NALF1: variants seen among roughly 807,000 people sequenced by gnomAD.
NALF1 encodes the protein NALCN channel auxiliary factor 1.
A neutral mutation model predicts 48.4 loss-of-function variants in NALF1; 3 were observed. The observed-to-expected ratio is 0.06, with a 90% CI of 0.03 to 0.16. NALF1 has a LOEUF of 0.16. Among genes scored for constraint, NALF1 ranks in the 10% least tolerant of loss-of-function variants. NALF1 has a pLI of 1.00. For missense variants in NALF1, 526 were observed against 571.5 expected (o/e 0.92, Z 0.81); for synonymous variants, 262 against 245.7 (o/e 1.07, Z -0.62).
At chr13:107,322,212 A>G (rs1882270661) in intron 1 of NALF1, among the ~76,000 whole-genome samples, 3 of 152,154 alleles carry the variant, frequency 2.0e-5, no homozygotes, top group Admixed American at 6.6e-5. Context: ...CTCTTCAACA[A>G]CATTTTCTAG....
At chr13:107,379,513 T>G (rs1883395256) in intron 1 of NALF1, among the ~76,000 whole-genome samples, 1 of 152,158 alleles carries the variant, frequency 6.6e-6, no homozygotes, top group South Asian at 2.1e-4. Context: ...GAGATGCAAG[T>G]TGGGGCAACG....
intron 1 of NALF1, among the ~76,000 whole-genome samples, chr13:107,581,152 G>C (rs933537432): frequency 6.6e-6 from 1 of 152,152 alleles, no homozygotes; most frequent in Non-Finnish European, 1.5e-5. Context: ...GACGCATTTT[G>C]ATTCAGCTAA....
intron 1 of NALF1, among the ~76,000 whole-genome samples, chr13:107,475,641 A>T (rs1473520789): frequency 6.6e-6 from 1 of 152,208 alleles, no homozygotes; most frequent in Non-Finnish European, 1.5e-5. Context: ...TGATTTAAAA[A>T]TACTTGAAGA....
intron 1 of NALF1, among the ~76,000 whole-genome samples, chr13:107,739,733 G>A (rs1400205765): frequency 1.3e-5 from 2 of 152,108 alleles, no homozygotes; most frequent in Non-Finnish European, 2.9e-5. Context: ...GTGAGCAGTG[G>A]GTGAGCGAGC....
intron 2 of NALF1, among the ~76,000 whole-genome samples, chr13:107,176,031 A>C (rs1050949283): frequency 1.3e-5 from 2 of 152,144 alleles, no homozygotes; most frequent in Non-Finnish European, 2.9e-5. Context: ...CCACCTGCAC[A>C]CAACCTGCTG....
intron 1 of NALF1, among the ~76,000 whole-genome samples, chr13:107,292,672 T>G (rs1026099288): frequency 2.0e-5 from 3 of 152,220 alleles, no homozygotes; most frequent in Non-Finnish European, 4.4e-5. Flanking sequence ...TGCCAAAGCC[T>G]TCTTCTATAA....
chr13:107,542,898 A>C (rs1877034830), intron 1 of NALF1, among the ~76,000 whole-genome samples: 1 of 152,080 alleles, frequency 6.6e-6, no homozygotes, highest in South Asian at 2.1e-4. Context: ...CCATGGCATC[A>C]AAATAGTTTA....
At chr13:107,791,951 ACTCCAT>A (rs1315344879) in intron 1 of NALF1, among the ~76,000 whole-genome samples, 2 of 152,100 alleles carry the variant, frequency 1.3e-5, no homozygotes, top group Non-Finnish European at 2.9e-5. Flanking sequence ...CAAGAGCTAA[ACTCCAT>A]CTCAAAACAA....
intron 2 of NALF1, 125 bp downstream of exon 2, chr13:107,210,459 G>T: frequency 1.5e-6 from 1 of 677,006 alleles, no homozygotes; most frequent in Non-Finnish European, 2.6e-6. Context: ...TAGTGAAAGT[G>T]CGGAAAACTA....
chr13:107,388,289 A>G (rs544146094), intron 1 of NALF1, among the ~76,000 whole-genome samples: 37 of 152,344 alleles, frequency 2.4e-4, no homozygotes, highest in African/African-American at 8.4e-4. Flanking sequence ...CTTTATGTCT[A>G]CTGACCAGGG....
intron 1 of NALF1, among the ~76,000 whole-genome samples, chr13:107,366,465 A>G (rs146404979): frequency 7.2e-4 from 110 of 152,324 alleles, no homozygotes; most frequent in African/African-American, 2.5e-3. Context: ...TATGTGGATG[A>G]GTAAGTTCAT....
At chr13:107,635,487 T>C (rs1879952028) in intron 1 of NALF1, among the ~76,000 whole-genome samples, 1 of 152,004 alleles carries the variant, frequency 6.6e-6, no homozygotes, top group South Asian at 2.1e-4. Flanking sequence ...TTATGGGAAC[T>C]ACAATTCAGG....
intron 1 of NALF1, among the ~76,000 whole-genome samples, chr13:107,606,468 C>T (rs1194584398): frequency 3.3e-5 from 5 of 152,090 alleles, no homozygotes; most frequent in East Asian, 1.9e-4. Context: ...AGGGTTCAAG[C>T]GATTCTCCTG....
chr13:107,774,900 T>A (rs1265563966), intron 1 of NALF1, among the ~76,000 whole-genome samples: 2 of 152,128 alleles, frequency 1.3e-5, no homozygotes, highest in Non-Finnish European at 1.5e-5. Flanking sequence ...ATCTCTATAT[T>A]ATGCACATGT....
intron 1 of NALF1, among the ~76,000 whole-genome samples, chr13:107,681,454 T>C (rs1881301165): frequency 6.6e-6 from 1 of 151,340 alleles, no homozygotes; most frequent in Non-Finnish European, 1.5e-5. Context: ...GGGGTGCATC[T>C]GCCAACTCTA....
rs2138655608 is a variant in NALF1 at position 107,866,927 on chromosome 13, G to T, written c.-331C>A. Among the ~76,000 whole-genome samples the T allele has an allele frequency of 6.6e-6, 1 of 152,140 alleles. No individual in the cohort carries two copies. The highest frequency in any genetic ancestry group is 2.4e-5 in the African/African-American group (1 of 41,536). ...GAGAGAGAGAGAGAGAGAGACGGAG[G>T]AGGCTGGTGCTGGTGGCCGGCGGCG... On this transcript the variant is annotated 5_prime_UTR_variant, in exon 1 of 3. Coordinates refer to ENST00000375915, the MANE Select transcript of NALF1 (RefSeq NM_001080396.3). The surrounding 1 kb of genome is among the most constrained non-coding windows in gnomAD (Gnocchi z 4.4).
chr13:107,853,643 T>A (rs1323198663), intron 1 of NALF1, among the ~76,000 whole-genome samples: 1 of 152,180 alleles, frequency 6.6e-6, no homozygotes, highest in African/African-American at 2.4e-5. Context: ...CAAATTAAAA[T>A]TTAAACTAAT....
At position 107,511,506 on chromosome 13, in the gene NALF1, C is replaced by T. The variant is rs76892363; in HGVS notation, c.916-300751G>A. 5.0e-4 allele frequency among the ~76,000 whole-genome samples: 76 copies of T among 152,172 alleles called. 2 individuals carry two copies. The East Asian group carries it at 0.014, about 29-fold the overall frequency. ...TACTTCATAAATTCCCAAATACCAG[C>T]CAATACCAACAAGATGATAATATTT... On this transcript the variant is annotated intron_variant, in intron 1 of 2. Coordinates refer to ENST00000375915, the MANE Select transcript of NALF1 (RefSeq NM_001080396.3).
chr13:107,552,172 T>G (rs941676524), intron 1 of NALF1, among the ~76,000 whole-genome samples: 1 of 152,156 alleles, frequency 6.6e-6, no homozygotes, highest in Non-Finnish European at 1.5e-5. Context: ...GATAGACATA[T>G]TCCCTTACTA....
Sources: gnomAD v4.1 joint callset for allele counts (sites outside exome capture counted in the v4.1 genomes callset) on GRCh38, gnomAD v4.1.1 for gene constraint, Gnocchi (gnomAD v3.1) non-coding constraint, MANE v1.5 for transcripts, NCBI Gene and HGNC (gene_info 2026-07-23, HGNC 2026-07-21) for gene names.